ZFPM2: variants seen among roughly 807,000 people sequenced by gnomAD.
The protein encoded by ZFPM2 is zinc finger protein ZFPM2.
A neutral mutation model predicts 98.6 loss-of-function variants in ZFPM2; 20 were observed. The observed-to-expected ratio is 0.20, with a 90% CI of 0.14 to 0.29. The LOEUF (loss-of-function observed/expected upper bound fraction) is 0.29, where lower values mean the gene tolerates loss of function less well. Among genes scored for constraint, ZFPM2 ranks in the 10% least tolerant of loss-of-function variants. The pLI is 1.00. For synonymous variants in ZFPM2, 518 were observed against 502.7 expected (o/e 1.03, Z -0.41); for missense variants, 1,310 against 1,388.6 (o/e 0.94, Z 0.90).
At chr8:105,610,000 G>A (rs1479457893) in intron 4 of ZFPM2, among the ~76,000 whole-genome samples, 6 of 152,136 alleles carry the variant, frequency 3.9e-5, no homozygotes, top group Admixed American at 2.0e-4. Context: ...ACCCATCGCA[G>A]CCCTCTTGTC....
intron 5 of ZFPM2, among the ~76,000 whole-genome samples, chr8:105,652,749 T>G (rs1304724342): frequency 6.6e-6 from 1 of 152,192 alleles, no homozygotes; most frequent in East Asian, 1.9e-4. Context: ...ATATTTATAA[T>G]GAGGAATTTA....
chr8:105,542,866 A>G (rs1814609703), intron 3 of ZFPM2, among the ~76,000 whole-genome samples: 1 of 152,096 alleles, frequency 6.6e-6, no homozygotes, highest in Admixed American at 6.6e-5. Flanking sequence ...CCATATACCT[A>G]TCTTATTCTA....
At chr8:105,697,033 A>T (rs1420831943) in intron 5 of ZFPM2, among the ~76,000 whole-genome samples, 1 of 152,186 alleles carries the variant, frequency 6.6e-6, no homozygotes, top group Non-Finnish European at 1.5e-5. Flanking sequence ...TCAACTTTTA[A>T]ATCTTAAATT....
intron 3 of ZFPM2, among the ~76,000 whole-genome samples, chr8:105,525,131 C>A (rs1814147325): frequency 6.6e-6 from 1 of 152,166 alleles, no homozygotes; most frequent in African/African-American, 2.4e-5. Flanking sequence ...CTTTTAAGCA[C>A]CTCACTCAAA....
chr8:105,470,265 C>T (rs1455520788), intron 3 of ZFPM2, among the ~76,000 whole-genome samples: 3 of 152,108 alleles, frequency 2.0e-5, no homozygotes, highest in Non-Finnish European at 4.4e-5. Context: ...GCCGGGACAC[C>T]GAACTTATTT....
At chr8:105,507,057 G>T (rs1813717303) in intron 3 of ZFPM2, among the ~76,000 whole-genome samples, 1 of 151,850 alleles carries the variant, frequency 6.6e-6, no homozygotes, top group Non-Finnish European at 1.5e-5. Context: ...TTTTGGAAAT[G>T]TAGAGAGAAC....
intron 1 of ZFPM2, among the ~76,000 whole-genome samples, chr8:105,351,383 T>TTTG (rs1812642571): frequency 1.3e-5 from 1 of 74,650 alleles, no homozygotes; most frequent in African/African-American, 3.9e-5. Context: ...GTGTGTGTGT[T>TTTG]TGTGTGTGTG....
At chr8:105,352,036 G>A (rs2129716497) in intron 1 of ZFPM2, among the ~76,000 whole-genome samples, 2 of 152,216 alleles carry the variant, frequency 1.3e-5, no homozygotes, top group South Asian at 4.2e-4. Context: ...GTTTTAAGAT[G>A]CCCTGCAAAT....
chr8:105,611,409 AAATG>A (rs1215266930), intron 4 of ZFPM2, among the ~76,000 whole-genome samples: 8 of 152,334 alleles, frequency 5.3e-5, no homozygotes, highest in African/African-American at 1.9e-4. Context: ...CTGATCCACT[AAATG>A]AATAGAAGTG....
chr8:105,375,995 G>A (rs1810717825), intron 1 of ZFPM2, among the ~76,000 whole-genome samples: 1 of 152,068 alleles, frequency 6.6e-6, no homozygotes, highest in Non-Finnish European at 1.5e-5. Context: ...AGAGCAAAAT[G>A]TCTTGAAATT....
chr8:105,373,506 T>A (rs1243768668), intron 1 of ZFPM2, among the ~76,000 whole-genome samples: 1 of 152,230 alleles, frequency 6.6e-6, no homozygotes, highest in African/African-American at 2.4e-5. Flanking sequence ...AGGAGAGAGC[T>A]TCTCTGGGCC....
intron 2 of ZFPM2, among the ~76,000 whole-genome samples, chr8:105,423,703 A>G (rs1233440380): frequency 6.6e-6 from 1 of 152,178 alleles, no homozygotes; most frequent in East Asian, 1.9e-4. Flanking sequence ...TATTTGTAGA[A>G]CTAAGCAAAC....
At chr8:105,727,949 A>G (rs1811852837) in intron 5 of ZFPM2, among the ~76,000 whole-genome samples, 1 of 148,854 alleles carries the variant, frequency 6.7e-6, no homozygotes, top group South Asian at 2.1e-4. Flanking sequence ...AGATCATAGT[A>G]TGATTAAAAA....
intron 5 of ZFPM2, among the ~76,000 whole-genome samples, chr8:105,730,364 C>T (rs531459970): frequency 4.4e-4 from 67 of 151,844 alleles, no homozygotes; most frequent in East Asian, 1.2e-3. Flanking sequence ...TTTAATTCCA[C>T]GCTACTCATA....
intron 3 of ZFPM2, among the ~76,000 whole-genome samples, chr8:105,533,908 C>T (rs1297953359): frequency 5.4e-5 from 1 of 18,398 alleles, no homozygotes; most frequent in Non-Finnish European, 9.0e-5. Context: ...TTCCTACCTC[C>T]TTCCCTCCCT....
chr8:105,424,814 C>G (rs553689410), intron 2 of ZFPM2, among the ~76,000 whole-genome samples: 5 of 152,212 alleles, frequency 3.3e-5, no homozygotes, highest in African/African-American at 9.6e-5. Flanking sequence ...GGGATACAGC[C>G]TTAGGCAAAA....
intron 1 of ZFPM2, among the ~76,000 whole-genome samples, chr8:105,397,516 T>G (rs1811246720): frequency 6.6e-6 from 1 of 152,196 alleles, no homozygotes; most frequent in Non-Finnish European, 1.5e-5. Context: ...CATAAGATGA[T>G]GCTATTTGGT....
At chr8:105,511,156 G>A (rs1219608267) in intron 3 of ZFPM2, among the ~76,000 whole-genome samples, 2 of 152,242 alleles carry the variant, frequency 1.3e-5, no homozygotes. Context: ...CATGTAGGAA[G>A]TCTCTATTGT....
chr8:105,431,397 A>G (rs1640143837), intron 2 of ZFPM2, among the ~76,000 whole-genome samples: 2 of 152,234 alleles, frequency 1.3e-5, no homozygotes, highest in Admixed American at 6.5e-5. Context: ...CAGTCAGTGC[A>G]TTCAACATTC....
Sources: allele counts gnomAD v4.1 joint callset (sites outside exome capture counted in the v4.1 genomes callset), GRCh38; gene constraint gnomAD v4.1.1; transcripts MANE v1.5; gene names NCBI Gene and HGNC (gene_info 2026-07-23, HGNC 2026-07-21).